The following MYO18B variants were observed in gnomAD, a reference collection of about 807,000 sequenced individuals.
The protein encoded by MYO18B is unconventional myosin-XVIIIb.
Under a neutral mutation model 273.0 loss-of-function variants are expected in MYO18B, and 204 were observed. The ratio of observed to expected loss-of-function variants is 0.75; its 90% confidence interval spans 0.67 to 0.84. The LOEUF is 0.84. MYO18B is among the 40% of genes least tolerant of loss of function. The pLI is 0.00. For synonymous variants in MYO18B, 1,330 were observed against 1,305.7 expected, an observed-to-expected ratio of 1.02 and a Z score of -0.40; for missense variants, 3,212 against 3,287.6, an observed-to-expected ratio of 0.98 and a Z score of 0.56.
intron 25 of MYO18B, among the ~76,000 whole-genome samples, chr22:25,886,378 G>C (rs1465662099): frequency 6.6e-6 from 1 of 152,200 alleles, no homozygotes; most frequent in African/African-American, 2.4e-5. Flanking sequence ...AGGCAGCTCT[G>C]GGGGCAGTAC....
At position 25,768,448 on chromosome 22, in the gene MYO18B, T is replaced by C. The variant is rs2086587844; in HGVS notation, c.532T>C (p.Cys178Arg). Residue 178 changes from cysteine (C) to arginine (R), a missense_variant, in exon 4 of 44, where the codon TGC becomes CGC. By Grantham distance (180) the Cys-to-Arg change is radical. Coordinates refer to ENST00000335473, the MANE Select transcript of MYO18B (RefSeq NM_032608.7). ...GACTCATCCCCATGACGCCCCCCCT[T>C]GCAAGACCTCTCCCCCCGCCACAGA... ...EKTHPHDAPPCKTSPPATDTG... is the reference protein window; with the variant it reads ...EKTHPHDAPPRKTSPPATDTG... The C allele has an allele frequency of 1.3e-6, 1 of 745,538 alleles. No homozygotes were observed. Among genetic ancestry groups the C allele is most frequent in the Admixed American group, 1.9e-5 (1 of 53,998 alleles). The allele number at this position is 745,538 out of a possible 1,614,324, so 46.2% of individuals were successfully genotyped here.
At chr22:25,830,909 A>G (rs111318591) in intron 15 of MYO18B, among the ~76,000 whole-genome samples, 101 of 152,376 alleles carry the variant, frequency 6.6e-4, no homozygotes, top group African/African-American at 2.3e-3. Context: ...CATTTAATGA[A>G]CAAGAATAAA....
intron 25 of MYO18B, among the ~76,000 whole-genome samples, chr22:25,890,042 TG>T (rs1276222718): frequency 6.6e-6 from 1 of 152,246 alleles, no homozygotes; most frequent in Admixed American, 6.5e-5. Context: ...AACACCTATT[TG>T]GCAGCATTTT....
chr22:25,837,668 A>G (rs2089947029), intron 17 of MYO18B, among the ~76,000 whole-genome samples: 1 of 152,212 alleles, frequency 6.6e-6, no homozygotes, highest in Non-Finnish European at 1.5e-5. Context: ...CTGTGCCCAT[A>G]TCAGGACAGG....
At chr22:25,743,954 C>T (rs2085702402) in intron 1 of MYO18B, among the ~76,000 whole-genome samples, 1 of 152,116 alleles carries the variant, frequency 6.6e-6, no homozygotes, top group African/African-American at 2.4e-5. Context: ...CTGGGTTCAT[C>T]CTAGACCTTT....
Position 25,826,447 on chromosome 22 carries a change from G to C in MYO18B, c.2734G>C (p.Ala912Pro). The C allele has an allele frequency of 6.2e-7, 1 of 1,613,818 alleles. No individual in the cohort carries two copies. The highest frequency in any genetic ancestry group is 1.1e-5 in the South Asian group (1 of 91,076). The change falls in exon 14 of 44, where the codon GCC (alanine) becomes CCC (proline). Residue 912 changes from alanine (A) to proline (P), a missense_variant. Ala to Pro is a conservative substitution (Grantham distance 27, BLOSUM62 -1). Coordinates refer to ENST00000335473, the MANE Select transcript of MYO18B (RefSeq NM_032608.7). ...AGGAGTGGACTGTGTGGAGGGGATG[G>C]CCTCGGGCCTGTACCAGGAACTCTT... ...MTGVDCVEGM[A>P]SGLYQELFAA...
intron 14 of MYO18B, among the ~76,000 whole-genome samples, 182 bp from the exon 15 acceptor site, chr22:25,828,594 C>T (rs1378044904): frequency 2.6e-5 from 4 of 151,894 alleles, no homozygotes; most frequent in African/African-American, 9.7e-5. Context: ...AGCCTACTCA[C>T]CCCCATCCTC....
At chr22:25,886,065 G>A (rs2091489397) in intron 25 of MYO18B, among the ~76,000 whole-genome samples, 1 of 152,214 alleles carries the variant, frequency 6.6e-6, no homozygotes, top group South Asian at 2.1e-4. Flanking sequence ...CCACCTGGCT[G>A]GTGTCCTTCG....
chr22:25,852,891 C>T (rs2090464481), intron 21 of MYO18B, among the ~76,000 whole-genome samples: 1 of 152,128 alleles, frequency 6.6e-6, no homozygotes, highest in Middle Eastern at 3.2e-3. Flanking sequence ...GTGGGAAGGA[C>T]CACAATGCAG....
At chr22:25,808,159 C>T (rs1174344468) in intron 12 of MYO18B, among the ~76,000 whole-genome samples, 3 of 152,048 alleles carry the variant, frequency 2.0e-5, no homozygotes, top group Non-Finnish European at 2.9e-5. Context: ...CAAGGATGAA[C>T]TCTATGTCCT....
intron 25 of MYO18B, among the ~76,000 whole-genome samples, chr22:25,880,604 A>T (rs2091307991): frequency 6.6e-6 from 1 of 152,070 alleles, no homozygotes; most frequent in Non-Finnish European, 1.5e-5. Context: ...TTTTTCACCC[A>T]CTCAACAAAT....
At chr22:25,972,129 A>G (rs558377699) in intron 39 of MYO18B, among the ~76,000 whole-genome samples, 1 of 151,144 alleles carries the variant, frequency 6.6e-6, no homozygotes, top group South Asian at 2.1e-4. Flanking sequence ...AAAAATACAT[A>G]CATATATATA....
At chr22:25,808,037 A>C (rs557480198) in intron 12 of MYO18B, among the ~76,000 whole-genome samples, 1 of 152,224 alleles carries the variant, frequency 6.6e-6, no homozygotes, top group South Asian at 2.1e-4. Flanking sequence ...CCCGGTCCCT[A>C]CTGTGGTGGG....
chr22:25,777,912 T>G, intron 8 of MYO18B, 131 bp downstream of exon 8: 1 of 846,796 alleles, frequency 1.2e-6, no homozygotes, highest in Non-Finnish European at 1.7e-6. Flanking sequence ...GACCCCATGC[T>G]TGCTACTGGG....
chr22:26,028,539 A>G (rs1261751165), intron 43 of MYO18B: 1 of 152,140 alleles, frequency 6.6e-6, no homozygotes, highest in African/African-American at 2.4e-5. Flanking sequence ...ATAAGTAACT[A>G]CTTGCTGCCC....
chr22:25,898,176 C>A, intron 28 of MYO18B, 131 bp from the exon 29 acceptor site: 1 of 1,021,774 alleles, frequency 9.8e-7, no homozygotes, highest in Non-Finnish European at 1.4e-6. Flanking sequence ...GTAGTCAAGA[C>A]AGGGTCTCCC....
intron 12 of MYO18B, among the ~76,000 whole-genome samples, chr22:25,817,412 T>C (rs1313034327): frequency 1.5e-5 from 2 of 130,750 alleles, no homozygotes; most frequent in Non-Finnish European, 3.2e-5. Flanking sequence ...CCTTCCTCCC[T>C]CCCTCTTTTC....
chr22:25,955,841 T>TA (rs2092845391), intron 39 of MYO18B, among the ~76,000 whole-genome samples: 1 of 152,190 alleles, frequency 6.6e-6, no homozygotes, highest in African/African-American at 2.4e-5. Context: ...GGGAGATGAC[T>TA]AGTCTAAGGC....
intron 33 of MYO18B, among the ~76,000 whole-genome samples, chr22:25,919,639 G>A (rs1277047513): frequency 6.6e-6 from 1 of 151,956 alleles, no homozygotes; most frequent in Non-Finnish European, 1.5e-5. Context: ...ACAATGCCCA[G>A]CCCTTAACTC....
Sources: gnomAD v4.1 joint callset for allele counts (sites outside exome capture counted in the v4.1 genomes callset) on GRCh38, gnomAD v4.1.1 for gene constraint, MANE v1.5 for transcripts, NCBI Gene and HGNC (gene_info 2026-07-23, HGNC 2026-07-21) for gene names.